STPG2: variants seen among roughly 807,000 people sequenced by gnomAD.
The protein encoded by STPG2 is sperm-tail PG-rich repeat-containing protein 2.
STPG2 carries 56 observed loss-of-function variants against 54.2 expected under a neutral mutation model. The ratio of observed to expected loss-of-function variants is 1.03; its 90% CI spans 0.83 to 1.29. The LOEUF is 1.29. Among genes scored for constraint, STPG2 ranks in the 50% most tolerant of loss-of-function variants. STPG2 has a pLI of 0.00. For synonymous variants in STPG2, 200 were observed against 181.8 expected (o/e 1.10, Z -0.81); for missense variants, 596 against 544.9 (o/e 1.09, Z -0.93).
At chr4:97,616,039 A>AAC in intron 10 of STPG2, among the ~76,000 whole-genome samples, 1 of 108,624 alleles carries the variant, frequency 9.2e-6, no homozygotes, top group African/African-American at 3.4e-5. Context: ...TCTGTCTCAA[A>AAC]AAAAAAAAAT....
chr4:97,460,201 G>A (rs1729627969), intron 4 of STPG2, among the ~76,000 whole-genome samples: 1 of 152,064 alleles, frequency 6.6e-6, no homozygotes, highest in Admixed American at 6.6e-5. Flanking sequence ...TTTATACTCA[G>A]TAGGGTTTTC....
At chr4:97,689,938 A>G (rs1355731086) in intron 10 of STPG2, among the ~76,000 whole-genome samples, 1 of 152,026 alleles carries the variant, frequency 6.6e-6, no homozygotes, top group African/African-American at 2.4e-5. Context: ...TCATACTCAA[A>G]AGGAATTTTC....
intron 5 of STPG2, among the ~76,000 whole-genome samples, chr4:97,990,160 A>G (rs553759929): frequency 6.6e-6 from 1 of 152,342 alleles, no homozygotes; most frequent in African/African-American, 2.4e-5. Flanking sequence ...AAATGGACAA[A>G]TGAAATCTTG....
At chr4:98,062,467 C>CA (rs1170321423) in intron 5 of STPG2, among the ~76,000 whole-genome samples, 4 of 151,760 alleles carry the variant, frequency 2.6e-5, no homozygotes, top group South Asian at 2.1e-4. Context: ...TATAAAAAAA[C>CA]AAAAAAACTT....
chr4:97,522,947 A>AAATGTC (rs1291613002), intron 4 of STPG2, among the ~76,000 whole-genome samples: 1 of 151,940 alleles, frequency 6.6e-6, no homozygotes, highest in Non-Finnish European at 1.5e-5. Context: ...TAATTTTTTG[A>AAATGTC]AATGTCATGT....
At chr4:97,889,379 G>T (rs754029208) in intron 8 of STPG2, among the ~76,000 whole-genome samples, 2 of 152,112 alleles carry the variant, frequency 1.3e-5, no homozygotes, top group Non-Finnish European at 2.9e-5. Flanking sequence ...CATGTTTATT[G>T]CCACATTATT....
chr4:98,019,210 G>A (rs895126957), intron 5 of STPG2, among the ~76,000 whole-genome samples: 1 of 152,166 alleles, frequency 6.6e-6, no homozygotes, highest in African/African-American at 2.4e-5. Flanking sequence ...GTGTAAGGAA[G>A]GGATCCAGTT....
chr4:98,061,358 A>C (rs1319617892), intron 5 of STPG2, among the ~76,000 whole-genome samples: 1 of 152,152 alleles, frequency 6.6e-6, no homozygotes, highest in Non-Finnish European at 1.5e-5. Context: ...GAAAGACAAA[A>C]AGGAAGAATG....
intron 4 of STPG2, among the ~76,000 whole-genome samples, chr4:97,536,230 T>C (rs1363614003): frequency 1.3e-5 from 2 of 152,198 alleles, no homozygotes; most frequent in Non-Finnish European, 2.9e-5. Flanking sequence ...TTGAGTTCAT[T>C]GATCTATGGG....
At chr4:97,999,211 T>G (rs1735335448) in intron 5 of STPG2, among the ~76,000 whole-genome samples, 1 of 152,162 alleles carries the variant, frequency 6.6e-6, no homozygotes, top group Non-Finnish European at 1.5e-5. Context: ...ACATTTCAAT[T>G]CACAGATTTT....
chr4:97,538,022 T>A (rs914932621), intron 4 of STPG2, among the ~76,000 whole-genome samples: 1 of 151,840 alleles, frequency 6.6e-6, no homozygotes, highest in Non-Finnish European at 1.5e-5. Context: ...ACAAAGGACA[T>A]CCACACCAAA....
chr4:97,937,183 G>A (rs1732777854), intron 8 of STPG2, among the ~76,000 whole-genome samples: 1 of 151,828 alleles, frequency 6.6e-6, no homozygotes, highest in African/African-American at 2.4e-5. Flanking sequence ...ATTGATATTT[G>A]TGTTTGCATT....
chr4:97,833,503 A>G (rs1056400800), intron 9 of STPG2, among the ~76,000 whole-genome samples: 3 of 152,182 alleles, frequency 2.0e-5, no homozygotes, highest in African/African-American at 7.2e-5. Context: ...AGAATTGACA[A>G]ATGGGATCTA....
At position 97,981,396 on chromosome 4, in the gene STPG2, G is replaced by C. The variant is rs182308448; in HGVS notation, c.613-78C>G. On this transcript the variant is annotated intron_variant, in intron 5 of 10. Coordinates refer to ENST00000295268, the MANE Select transcript of STPG2 (RefSeq NM_174952.3). ...CTTCATGAGTTAAAACCTGCCTTTT[G>C]AGTAATATAACATCTGGAGTTAATT... is the stretch of plus-strand genomic sequence containing the variant. 2.4e-3 allele frequency: 3,408 copies of C among 1,412,592 alleles called. 12 individuals are homozygous for C. The highest frequency in any genetic ancestry group is 2.3e-3 in the Non-Finnish European group (2,387 of 1,033,868). 87.5% of individuals were successfully genotyped at this position (1,412,592 alleles called of 1,614,324 possible).
intron 9 of STPG2, among the ~76,000 whole-genome samples, chr4:97,791,045 C>G (rs558804358): frequency 1.3e-5 from 2 of 152,172 alleles, no homozygotes; most frequent in South Asian, 2.1e-4. Context: ...CAGTTTATGT[C>G]CCTACTCTGA....
intron 4 of STPG2, among the ~76,000 whole-genome samples, chr4:97,473,117 A>G (rs1322554317): frequency 2.0e-5 from 3 of 152,154 alleles, no homozygotes; most frequent in Non-Finnish European, 2.9e-5. Flanking sequence ...CCCTGTGATA[A>G]TTGCGTTAAC....
At chr4:98,099,097 C>T (rs986197993) in intron 5 of STPG2, among the ~76,000 whole-genome samples, 5 of 152,024 alleles carry the variant, frequency 3.3e-5, no homozygotes, top group African/African-American at 9.7e-5. Context: ...TATGAACCAG[C>T]AACCCCACTG....
intron 10 of STPG2, among the ~76,000 whole-genome samples, chr4:97,691,511 A>C (rs1354977086): frequency 6.6e-6 from 1 of 152,084 alleles, no homozygotes; most frequent in South Asian, 2.1e-4. Flanking sequence ...TTCTCACAGC[A>C]GACCCAGCAA....
chr4:97,762,319 G>T (rs910258938), intron 9 of STPG2, among the ~76,000 whole-genome samples: 3 of 152,040 alleles, frequency 2.0e-5, no homozygotes, highest in Non-Finnish European at 4.4e-5. Flanking sequence ...TGTCTTTTGA[G>T]ATAAGGCACA....
Sources: allele counts gnomAD v4.1 joint callset (sites outside exome capture counted in the v4.1 genomes callset), GRCh38; gene constraint gnomAD v4.1.1; transcripts MANE v1.5; gene names NCBI Gene and HGNC (gene_info 2026-07-23, HGNC 2026-07-21).